ATP8B1: variants seen among roughly 807,000 people sequenced by gnomAD.
ATP8B1 encodes the protein phospholipid-transporting ATPase IC.
Under a neutral mutation model 149.9 loss-of-function variants are expected in ATP8B1, and 80 were observed. That is an observed-to-expected ratio of 0.53 (90% CI 0.45 to 0.64). The LOEUF (loss-of-function observed/expected upper bound fraction) is 0.64, where lower values mean the gene tolerates loss of function less well. Among genes scored for constraint, ATP8B1 ranks in the 30% least tolerant of loss-of-function variants. The pLI is 0.00. For synonymous variants in ATP8B1, 536 were observed against 562.8 expected (o/e 0.95, Z 0.67); for missense variants, 1,247 against 1,552.6 (o/e 0.80, Z 3.31).
intron 1 of ATP8B1, among the ~76,000 whole-genome samples, chr18:57,787,487 G>A (rs1457610416): frequency 6.6e-6 from 1 of 151,934 alleles, no homozygotes; most frequent in African/African-American, 2.4e-5. Flanking sequence ...AACACTGCGG[G>A]AGGAGCTCCA....
intron 1 of ATP8B1, among the ~76,000 whole-genome samples, chr18:57,798,532 G>A (rs11874731): frequency 0.04 from 6,089 of 152,238 alleles, 155 homozygotes; most frequent in Non-Finnish European, 0.062. Flanking sequence ...AGAGGTCAAG[G>A]TTGCAGCAAG....
At chr18:57,683,317 C>A (rs967606847) in intron 15 of ATP8B1, among the ~76,000 whole-genome samples, 11 of 152,170 alleles carry the variant, frequency 7.2e-5, no homozygotes, top group Non-Finnish European at 1.5e-4. Flanking sequence ...TACAGAAACA[C>A]CAAAAGAACT....
intron 1 of ATP8B1, among the ~76,000 whole-genome samples, chr18:57,746,215 A>G (rs1323122029): frequency 6.6e-6 from 1 of 152,174 alleles, no homozygotes; most frequent in Non-Finnish European, 1.5e-5. Context: ...TCCACTCCCT[A>G]TATCCAAACA....
chr18:57,799,118 A>G (rs1289033345), intron 1 of ATP8B1, among the ~76,000 whole-genome samples: 1 of 152,138 alleles, frequency 6.6e-6, no homozygotes, highest in Non-Finnish European at 1.5e-5. Flanking sequence ...AGGCCATACT[A>G]TTATTATCCC....
intron 2 of ATP8B1, among the ~76,000 whole-genome samples, chr18:57,713,183 CTTTCT>C (rs1913780327): frequency 2.1e-5 from 2 of 94,470 alleles, no homozygotes; most frequent in Non-Finnish European, 4.1e-5. Flanking sequence ...TTCTTTCTTT[CTTTCT>C]TTCTTTCTTT....
intron 15 of ATP8B1, among the ~76,000 whole-genome samples, chr18:57,679,560 C>G (rs1019021286): frequency 2.0e-5 from 3 of 152,150 alleles, no homozygotes; most frequent in Admixed American, 6.5e-5. Flanking sequence ...AACCACAAAT[C>G]CCACCTCTCA....
At position 57,654,220 on chromosome 18, in the gene ATP8B1, T is replaced by C. The variant is rs1395115146; in HGVS notation, c.2932-145A>G. On this transcript the variant is annotated intron_variant, in intron 23 of 27. Transcript: ENST00000648908. Reference sequence around the variant, plus strand: ...GGGGGTCTTGCTATGTTGCCTAGGCTGGCCTCGAACTCCTGGCCTTAAGCG... The same window carrying C: ...GGGGGTCTTGCTATGTTGCCTAGGCCGGCCTCGAACTCCTGGCCTTAAGCG... 14 of 803,512 alleles carry C rather than the reference T, an allele frequency of 1.7e-5. No homozygotes were observed. In the East Asian group the frequency reaches 3.7e-4, roughly 21 times the overall value. 49.8% of individuals were successfully genotyped at this position (803,512 alleles called of 1,614,324 possible).
chr18:57,799,344 A>T (rs546276725), intron 1 of ATP8B1, among the ~76,000 whole-genome samples: 6 of 152,354 alleles, frequency 3.9e-5, no homozygotes, highest in African/African-American at 1.4e-4. Context: ...TTAAAAGTGC[A>T]GTGCATTTAT....
intron 26 of ATP8B1, among the ~76,000 whole-genome samples, chr18:57,651,213 C>T (rs1909595670): frequency 6.6e-6 from 1 of 151,564 alleles, no homozygotes; most frequent in African/African-American, 2.4e-5. Context: ...CTCAGGTGTC[C>T]TCCTACCTTA....
rs558863336 is a variant in ATP8B1 at position 57,681,927 on chromosome 18, G to A, written c.1630+2109C>T. Among the ~76,000 whole-genome samples the A allele has an allele frequency of 3.9e-5, 6 of 152,078 alleles. No individual in the cohort carries two copies. The South Asian group carries it at 1.2e-3, about 32-fold the overall frequency. ...AAGCTCCTGCACTAGAAGCCAACAT[G>A]TCTCTATTCGTACAACCCTTGACCT... On this transcript the variant is annotated intron_variant, in intron 15 of 27. Coordinates refer to ENST00000648908, the MANE Select transcript of ATP8B1 (RefSeq NM_001374385.1).
intron 1 of ATP8B1, among the ~76,000 whole-genome samples, chr18:57,769,568 G>A (rs2080248009): frequency 6.6e-6 from 1 of 152,216 alleles, no homozygotes; most frequent in African/African-American, 2.4e-5. Flanking sequence ...CAACTGGTTT[G>A]AGCCTTAATT....
chr18:57,797,024 A>G (rs1034612742), intron 1 of ATP8B1, among the ~76,000 whole-genome samples: 1 of 152,208 alleles, frequency 6.6e-6, no homozygotes. Context: ...TAACTCACTA[A>G]GTTCCAGGAA....
Position 57,684,189 on chromosome 18 carries a change from C to G in ATP8B1, c.1477G>C (p.Val493Leu). 4.3e-6 allele frequency: 7 copies of G among 1,613,680 alleles called. No homozygotes were observed. Among genetic ancestry groups the G allele is most frequent in the South Asian group, 1.1e-5 (1 of 91,026 alleles). ...SQHNHNKIEQ[V>L]DFSWNTYADG... ...GCATATGTATTCCAGCTAAAATCAA[C>G]TTGCTGAAAGAAATGGAGAAAAACA... The change falls in exon 15 of 28, where the codon GTT becomes CTT. Residue 493 changes from valine to leucine, a missense_variant. Around this residue, in one of 3 missense-constraint regions of ATP8B1, gnomAD observed 853 missense variants for 1,035.7 expected, o/e 0.82. Coordinates refer to ENST00000648908, the MANE Select transcript of ATP8B1 (RefSeq NM_001374385.1).
chr18:57,745,432 C>T (rs1209143244), intron 1 of ATP8B1, among the ~76,000 whole-genome samples: 3 of 151,804 alleles, frequency 2.0e-5, no homozygotes, highest in Middle Eastern at 3.4e-3. Flanking sequence ...CCACCATGCT[C>T]GAGTAATTTT....
chr18:57,657,573 G>A (rs572038700), intron 22 of ATP8B1, among the ~76,000 whole-genome samples: 15 of 152,268 alleles, frequency 9.9e-5, no homozygotes, highest in South Asian at 2.1e-4. Context: ...CCAAACCTAC[G>A]TTTTCAGTAA....
intron 2 of ATP8B1, among the ~76,000 whole-genome samples, chr18:57,718,753 A>G (rs2079609248): frequency 6.6e-6 from 1 of 152,250 alleles, no homozygotes; most frequent in Non-Finnish European, 1.5e-5. Flanking sequence ...TCATGTCAAC[A>G]GAATGAAGGG....
At chr18:57,783,102 G>T (rs9945475) in intron 1 of ATP8B1, among the ~76,000 whole-genome samples, 1 of 151,850 alleles carries the variant, frequency 6.6e-6, no homozygotes, top group African/African-American at 2.4e-5. Flanking sequence ...CGTGAGCCAC[G>T]GTGCCCGGCC....
At chr18:57,713,201 TTCCTTCCTTCCTTCCTTCCTTCCTTCC>T (rs1913795468) in intron 2 of ATP8B1, among the ~76,000 whole-genome samples, 4 of 71,050 alleles carry the variant, frequency 5.6e-5, no homozygotes, top group African/African-American at 1.4e-4. Flanking sequence ...CTTTCTTTCC[TTCCTTCCTTCCTTCCTTCCTTCCTTCC>T]TTCCTTCCTT....
At position 57,649,292 on chromosome 18, in the gene ATP8B1, A is replaced by T. The variant is rs200157744; in HGVS notation, c.3532-580T>A. ...TATCTATACATAGATTGATTGATCA[A>T]TCGATCTACCTACCTACCTACCTGG... On this transcript the variant is annotated intron_variant, in intron 27 of 27. Coordinates refer to ENST00000648908, the MANE Select transcript of ATP8B1 (RefSeq NM_001374385.1). Among the ~76,000 whole-genome samples the T allele has an allele frequency of 3.9e-5, 6 of 152,234 alleles. No homozygotes were observed. The East Asian group carries it at 9.7e-4, about 24-fold the overall frequency.
Sources: allele counts gnomAD v4.1 joint callset (sites outside exome capture counted in the v4.1 genomes callset), GRCh38; gene constraint gnomAD v4.1.1; regional missense constraint gnomAD v4.1.1; transcripts MANE v1.5; gene names NCBI Gene and HGNC (gene_info 2026-07-23, HGNC 2026-07-21).